The following HECW2 variants were observed in gnomAD, a reference collection of about 807,000 sequenced individuals.
HECW2 encodes the protein E3 ubiquitin-protein ligase HECW2.
A neutral mutation model predicts 175.2 loss-of-function variants in HECW2; 61 were observed. That is an observed-to-expected ratio of 0.35 (90% CI 0.28 to 0.43). The LOEUF (loss-of-function observed/expected upper bound fraction) is 0.43. HECW2 is among the 20% of genes least tolerant of loss of function. HECW2 has a pLI of 1.00. For synonymous variants in HECW2, 671 were observed against 731.0 expected, an observed-to-expected ratio of 0.92 and a Z score of 1.32; for missense variants, 1,524 against 2,000.5, an observed-to-expected ratio of 0.76 and a Z score of 4.54.
At chr2:196,574,214 G>C (rs925979598) in intron 1 of HECW2, among the ~76,000 whole-genome samples, 4 of 152,188 alleles carry the variant, frequency 2.6e-5, no homozygotes, top group African/African-American at 7.2e-5. Context: ...CAGATCACTT[G>C]AGGTCAGGAG....
At chr2:196,342,577 C>T (rs1012851981) in intron 3 of HECW2, among the ~76,000 whole-genome samples, 1 of 152,104 alleles carries the variant, frequency 6.6e-6, no homozygotes, top group African/African-American at 2.4e-5. Flanking sequence ...ATAACACCAT[C>T]ACCCAACAGA....
chr2:196,459,110 A>G (rs1344656149), intron 1 of HECW2, among the ~76,000 whole-genome samples: 1 of 152,236 alleles, frequency 6.6e-6, no homozygotes, highest in Non-Finnish European at 1.5e-5. Context: ...AAACACCACA[A>G]GACTATACGT....
At chr2:196,417,138 A>AT (rs1305333676) in intron 2 of HECW2, among the ~76,000 whole-genome samples, 1 of 152,252 alleles carries the variant, frequency 6.6e-6, no homozygotes, top group Non-Finnish European at 1.5e-5. Context: ...GTCAATGATC[A>AT]TTAATTTTAA....
intron 17 of HECW2, among the ~76,000 whole-genome samples, chr2:196,258,482 T>C (rs1689154427): frequency 1.3e-5 from 2 of 152,344 alleles, no homozygotes; most frequent in South Asian, 2.1e-4. Flanking sequence ...GCTACAACAG[T>C]TGGTGAAATA....
intron 2 of HECW2, among the ~76,000 whole-genome samples, chr2:196,408,748 T>C (rs1207271114): frequency 6.6e-6 from 1 of 152,236 alleles, no homozygotes; most frequent in Non-Finnish European, 1.5e-5. Flanking sequence ...GCTTCCATTA[T>C]TTTTTATCAC....
chr2:196,494,235 A>G (rs1687301706), intron 1 of HECW2, among the ~76,000 whole-genome samples: 1 of 152,212 alleles, frequency 6.6e-6, no homozygotes, highest in South Asian at 2.1e-4. Flanking sequence ...TCTAAATCAT[A>G]AAGCAACATG....
Position 196,225,201 on chromosome 2 carries a change from G to C in HECW2, c.4016+571C>G, listed in dbSNP as rs186776520. On this transcript the variant is annotated intron_variant, in intron 23 of 28. Transcript: ENST00000644978. ...ATCTTTCATTAACAATGAAGAAAAAGTTCTGTGAATGCTGAATTTTCATTT... is the reference window on the plus strand; with the variant it reads ...ATCTTTCATTAACAATGAAGAAAAACTTCTGTGAATGCTGAATTTTCATTT... Among the ~76,000 whole-genome samples the C allele has an allele frequency of 1.3e-4, 20 of 152,248 alleles. No homozygotes were observed. The East Asian group carries it at 3.9e-3, about 29-fold the overall frequency.
intron 2 of HECW2, among the ~76,000 whole-genome samples, chr2:196,364,699 T>C (rs1340173361): frequency 6.6e-6 from 1 of 152,196 alleles, no homozygotes; most frequent in African/African-American, 2.4e-5. Context: ...AAAATAAACA[T>C]AGCCCCTGCC....
At chr2:196,491,338 T>A (rs1401523724) in intron 1 of HECW2, among the ~76,000 whole-genome samples, 1 of 149,716 alleles carries the variant, frequency 6.7e-6, no homozygotes, top group East Asian at 2.0e-4. Context: ...TGAAACCCCA[T>A]GTCTAAAACA....
intron 1 of HECW2, among the ~76,000 whole-genome samples, chr2:196,586,275 C>G (rs537454675): frequency 5.9e-5 from 9 of 152,330 alleles, no homozygotes; most frequent in African/African-American, 2.2e-4. Flanking sequence ...TCCCTTCCCT[C>G]TCTGTCCTTG....
At chr2:196,431,597 T>C (rs1012297630) in intron 2 of HECW2, among the ~76,000 whole-genome samples, 1 of 152,186 alleles carries the variant, frequency 6.6e-6, no homozygotes, top group African/African-American at 2.4e-5. Context: ...AGAAGTTATA[T>C]GAAGTGCAAA....
chr2:196,498,647 A>G (rs1410742705), intron 1 of HECW2, among the ~76,000 whole-genome samples: 2 of 152,218 alleles, frequency 1.3e-5, no homozygotes, highest in Non-Finnish European at 2.9e-5. Flanking sequence ...GGGAACTGAA[A>G]TCACCTTTGT....
chr2:196,402,272 C>T (rs1394820861), intron 2 of HECW2, among the ~76,000 whole-genome samples: 1 of 142,356 alleles, frequency 7.0e-6, no homozygotes, highest in Non-Finnish European at 1.5e-5. Context: ...AAAGAAATGA[C>T]AAGCTTTAGC....
rs376497748 is a variant in HECW2 at position 196,535,981 on chromosome 2, C to A, written c.-36+57527G>T. ...AAAAATACAATCAGATTGCTTTCCACTCTAACATCTATCAAAGAACCACAG... is the reference window on the plus strand; with the variant it reads ...AAAAATACAATCAGATTGCTTTCCAATCTAACATCTATCAAAGAACCACAG... On this transcript the variant is annotated intron_variant, in intron 1 of 28. Coordinates refer to ENST00000644978, the MANE Select transcript of HECW2 (RefSeq NM_001348768.2). Among the ~76,000 whole-genome samples the A allele has an allele frequency of 5.3e-5, 8 of 152,234 alleles. No individual in the cohort carries two copies. The East Asian group carries it at 1.5e-3, about 29-fold the overall frequency.
At chr2:196,510,075 T>C (rs781267302) in intron 1 of HECW2, among the ~76,000 whole-genome samples, 14 of 152,222 alleles carry the variant, frequency 9.2e-5, no homozygotes, top group Non-Finnish European at 1.8e-4. Flanking sequence ...TCCACCATTG[T>C]ACTGCTAGTC....
intron 1 of HECW2, among the ~76,000 whole-genome samples, chr2:196,522,952 G>C (rs1335932156): frequency 6.6e-5 from 10 of 152,152 alleles, no homozygotes; most frequent in African/African-American, 2.2e-4. Context: ...GATTGACTTG[G>C]TGATGCGGGC....
At chr2:196,490,082 T>C (rs1237134779) in intron 1 of HECW2, among the ~76,000 whole-genome samples, 1 of 152,164 alleles carries the variant, frequency 6.6e-6, no homozygotes, top group East Asian at 1.9e-4. Context: ...ACTCAGCCAC[T>C]GTGGGAGATG....
intron 1 of HECW2, among the ~76,000 whole-genome samples, chr2:196,544,492 C>T (rs1410435109): frequency 6.6e-6 from 1 of 152,188 alleles, no homozygotes; most frequent in African/African-American, 2.4e-5. Flanking sequence ...ATTGCTGTAA[C>T]CAATCCAGTT....
At chr2:196,297,969 A>G (rs878947263) in intron 13 of HECW2, among the ~76,000 whole-genome samples, 1 of 152,222 alleles carries the variant, frequency 6.6e-6, no homozygotes, top group Admixed American at 6.5e-5. Context: ...AAAACTATCT[A>G]CAAATGATCA....
Sources: gnomAD v4.1 joint callset for allele counts (sites outside exome capture counted in the v4.1 genomes callset) on GRCh38, gnomAD v4.1.1 for gene constraint, MANE v1.5 for transcripts, NCBI Gene and HGNC (gene_info 2026-07-23, HGNC 2026-07-21) for gene names.